Variants in PLCB1 observed in about 807,000 individuals in gnomAD.
PLCB1 encodes the protein phospholipase C beta 1.
Under a neutral mutation model 161.8 loss-of-function variants are expected in PLCB1, and 46 were observed. The ratio of observed to expected loss-of-function variants is 0.28; its 90% CI spans 0.22 to 0.36. The LOEUF (loss-of-function observed/expected upper bound fraction) is 0.36. Ranked by LOEUF, PLCB1 falls within the 10% of genes least tolerant of loss-of-function variation. PLCB1 has a pLI of 1.00. For missense variants in PLCB1, 1,016 were observed against 1,472.5 expected (o/e 0.69, Z 5.07); for synonymous variants, 517 against 503.7 (o/e 1.03, Z -0.35).
intron 4 of PLCB1, among the ~76,000 whole-genome samples, chr20:8,643,387 C>G (rs1242967637): frequency 2.0e-5 from 3 of 152,154 alleles, no homozygotes; most frequent in Admixed American, 6.5e-5. Flanking sequence ...TATTAGACTA[C>G]TTTTTGTTTG....
At chr20:8,781,441 C>T (rs1378816179) in intron 27 of PLCB1, among the ~76,000 whole-genome samples, 6 of 107,798 alleles carry the variant, frequency 5.6e-5, no homozygotes, top group Non-Finnish European at 1.2e-4. Context: ...CACACACACA[C>T]ACACACAAAG....
At chr20:8,591,968 G>A (rs1234793292) in intron 3 of PLCB1, among the ~76,000 whole-genome samples, 3 of 152,056 alleles carry the variant, frequency 2.0e-5, no homozygotes, top group South Asian at 4.1e-4. Context: ...CATATACATC[G>A]TGAGATATCT....
intron 3 of PLCB1, among the ~76,000 whole-genome samples, chr20:8,610,495 A>G (rs977103072): frequency 2.0e-5 from 3 of 152,164 alleles, no homozygotes; most frequent in African/African-American, 7.2e-5. Context: ...GTAGGTATAT[A>G]CCTAAGAATG....
intron 2 of PLCB1, among the ~76,000 whole-genome samples, chr20:8,186,148 A>T (rs1391888169): frequency 6.6e-6 from 1 of 152,156 alleles, no homozygotes; most frequent in Admixed American, 6.5e-5. Flanking sequence ...TTCTGATTTT[A>T]TCCCAAAGTT....
intron 2 of PLCB1, among the ~76,000 whole-genome samples, chr20:8,350,306 T>C (rs930550918): frequency 6.6e-6 from 1 of 152,204 alleles, no homozygotes; most frequent in Admixed American, 6.5e-5. Flanking sequence ...TGTGTACTCA[T>C]CATTCAGCTT....
chr20:8,663,823 A>G (rs977927022), intron 9 of PLCB1, among the ~76,000 whole-genome samples: 2 of 152,162 alleles, frequency 1.3e-5, no homozygotes, highest in Admixed American at 6.5e-5. Flanking sequence ...TTCCTGGCAC[A>G]GGAATATGCA....
chr20:8,835,285 G>A (rs1457970514), intron 31 of PLCB1, among the ~76,000 whole-genome samples: 1 of 152,134 alleles, frequency 6.6e-6, no homozygotes, highest in African/African-American at 2.4e-5. Flanking sequence ...AATTCGGAGT[G>A]CCCTTGAGGT....
intron 3 of PLCB1, among the ~76,000 whole-genome samples, chr20:8,391,758 AT>A (rs1987590293): frequency 8.1e-6 from 1 of 123,546 alleles, no homozygotes; most frequent in African/African-American, 3.1e-5. Context: ...CTGGTAAATA[AT>A]GAAGTATATA....
chr20:8,346,391 A>G (rs148210794), intron 2 of PLCB1, among the ~76,000 whole-genome samples: 6 of 152,292 alleles, frequency 3.9e-5, no homozygotes, highest in Non-Finnish European at 8.8e-5. Flanking sequence ...TGTTATGTTG[A>G]CCTTGTTCTT....
intron 3 of PLCB1, among the ~76,000 whole-genome samples, chr20:8,457,952 A>T (rs1377158837): frequency 6.6e-6 from 1 of 152,218 alleles, no homozygotes; most frequent in Non-Finnish European, 1.5e-5. Flanking sequence ...ATTTATTTAG[A>T]GTTTGCAAGA....
At chr20:8,801,944 A>G (rs1568605160) in intron 31 of PLCB1, 2 of 735,136 alleles carry the variant, frequency 2.7e-6, no homozygotes, top group Non-Finnish European at 4.9e-6. Context: ...TTAAAACTGT[A>G]CTCTAGAAGG....
intron 31 of PLCB1, among the ~76,000 whole-genome samples, chr20:8,833,587 G>A (rs1437072581): frequency 6.6e-6 from 1 of 152,192 alleles, no homozygotes; most frequent in Admixed American, 6.5e-5. Context: ...GGCAGAGATT[G>A]GAGTGGTGCA....
intron 4 of PLCB1, among the ~76,000 whole-genome samples, chr20:8,645,366 C>T (rs957514139): frequency 6.6e-6 from 1 of 152,160 alleles, no homozygotes; most frequent in Non-Finnish European, 1.5e-5. Context: ...TCAACTACAA[C>T]AATATCAGAT....
At chr20:8,339,976 T>C (rs1486852731) in intron 2 of PLCB1, among the ~76,000 whole-genome samples, 1 of 152,088 alleles carries the variant, frequency 6.6e-6, no homozygotes, top group African/African-American at 2.4e-5. Context: ...CAAAAATAAA[T>C]AAACAACTTT....
In PLCB1 at chr20:8,181,970, A is replaced by G. The variant is rs73895564; in HGVS notation, c.177+31599A>G. Among the ~76,000 whole-genome samples the G allele has an allele frequency of 6.7e-3, 1,015 of 152,244 alleles. 15 individuals carry two copies. Among genetic ancestry groups the G allele is most frequent in the African/African-American group, 0.022 (908 of 41,530 alleles). On this transcript the variant is annotated intron_variant, in intron 2 of 31. Coordinates refer to ENST00000338037, the MANE Select transcript of PLCB1 (RefSeq NM_015192.4). Reference sequence around the variant, plus strand: ...AGCTACAGAGTAAGATCCTGTGTCTAAAAAGAAACAAAAAAGCTACCACTA... The same window carrying G: ...AGCTACAGAGTAAGATCCTGTGTCTGAAAAGAAACAAAAAAGCTACCACTA...
At chr20:8,281,470 CTGTT>C (rs2123284800) in intron 2 of PLCB1, among the ~76,000 whole-genome samples, 1 of 151,874 alleles carries the variant, frequency 6.6e-6, no homozygotes, top group South Asian at 2.1e-4. Flanking sequence ...GAAATTGAAG[CTGTT>C]TGTTTACTAG....
chr20:8,572,034 A>G (rs1023094409), intron 3 of PLCB1, among the ~76,000 whole-genome samples: 5 of 152,220 alleles, frequency 3.3e-5, no homozygotes, highest in Admixed American at 6.5e-5. Context: ...TAAGTAAAAA[A>G]AAATTAAAAT....
intron 2 of PLCB1, among the ~76,000 whole-genome samples, chr20:8,226,015 C>A (rs1018237813): frequency 2.0e-4 from 30 of 152,140 alleles, no homozygotes; most frequent in African/African-American, 5.6e-4. Context: ...TCTTCCATCA[C>A]GGGATGGTGT....
chr20:8,524,394 G>A (rs1356740457), intron 3 of PLCB1, among the ~76,000 whole-genome samples: 1 of 152,000 alleles, frequency 6.6e-6, no homozygotes, highest in Non-Finnish European at 1.5e-5. Flanking sequence ...CTTTCTACAG[G>A]ATACCTAAGC....
Sources: allele counts gnomAD v4.1 joint callset (sites outside exome capture counted in the v4.1 genomes callset), GRCh38; gene constraint gnomAD v4.1.1; transcripts MANE v1.5; gene names NCBI Gene and HGNC (gene_info 2026-07-23, HGNC 2026-07-21).